The following KIAA0825 variants were observed in gnomAD, a reference collection of about 807,000 sequenced individuals.
The protein encoded by KIAA0825 is KIAA0825, also known as uncharacterized protein KIAA0825.
In KIAA0825, 119 loss-of-function variants were observed where a neutral mutation model predicts 147.6. The observed-to-expected ratio is 0.81, with a 90% CI of 0.69 to 0.94. KIAA0825 has a LOEUF of 0.94. Among genes scored for constraint, KIAA0825 ranks in the 40% least tolerant of loss-of-function variants. The pLI, the probability that KIAA0825 is intolerant of heterozygous loss-of-function variation, is 0.00. For synonymous variants in KIAA0825, 470 were observed against 518.1 expected, an observed-to-expected ratio of 0.91 and a Z score of 1.26; for missense variants, 1,381 against 1,472.7, an observed-to-expected ratio of 0.94 and a Z score of 1.02.
chr5:94,413,949 T>C (rs188752451), intron 15 of KIAA0825: 2 of 152,198 alleles, frequency 1.3e-5, no homozygotes, highest in Non-Finnish European at 2.9e-5. Context: ...GGTATTTATG[T>C]AGGTAATAGA....
chr5:94,220,030 A>G (rs572341523), intron 20 of KIAA0825, among the ~76,000 whole-genome samples: 1 of 152,342 alleles, frequency 6.6e-6, no homozygotes, highest in East Asian at 1.9e-4. Flanking sequence ...GACTCTTGTA[A>G]TAACATTTAG....
intron 20 of KIAA0825, among the ~76,000 whole-genome samples, chr5:94,362,766 T>C (rs991114218): frequency 1.3e-5 from 2 of 152,218 alleles, no homozygotes; most frequent in African/African-American, 4.8e-5. Context: ...GTTTGATGGA[T>C]GGAAGAATGA....
At chr5:94,218,554 G>A (rs932058882) in intron 20 of KIAA0825, among the ~76,000 whole-genome samples, 28 of 152,188 alleles carry the variant, frequency 1.8e-4, no homozygotes, top group African/African-American at 6.8e-4. Flanking sequence ...TTGTCACTTA[G>A]TGGGTATCCA....
intron 20 of KIAA0825, among the ~76,000 whole-genome samples, chr5:94,349,367 TGACAGC>T (rs1159150454): frequency 8.5e-5 from 13 of 152,328 alleles, no homozygotes; most frequent in Admixed American, 4.6e-4. Flanking sequence ...AGTACTGCAC[TGACAGC>T]ACTGGACAGG....
chr5:94,592,155 T>G (rs997475941), intron 1 of KIAA0825, among the ~76,000 whole-genome samples: 1 of 152,146 alleles, frequency 6.6e-6, no homozygotes. Flanking sequence ...ATTTCAGCAT[T>G]AACTCAAAAA....
At chr5:94,529,148 G>A (rs896909672) in intron 3 of KIAA0825, among the ~76,000 whole-genome samples, 6 of 149,854 alleles carry the variant, frequency 4.0e-5, no homozygotes, top group Admixed American at 1.3e-4. Flanking sequence ...GTTTATGTGT[G>A]AGGAGGTAGG....
chr5:94,490,911 G>A (rs1044171102), intron 5 of KIAA0825, among the ~76,000 whole-genome samples: 3 of 152,104 alleles, frequency 2.0e-5, no homozygotes, highest in Admixed American at 6.5e-5. Context: ...CTGCAACAAA[G>A]CAGCATTTGA....
At chr5:94,508,582 C>T (rs909688750) in intron 5 of KIAA0825, among the ~76,000 whole-genome samples, 1 of 152,100 alleles carries the variant, frequency 6.6e-6, no homozygotes, top group African/African-American at 2.4e-5. Flanking sequence ...TTATTGATTC[C>T]AGCATTTACC....
chr5:94,605,619 C>A (rs1357577943), intron 1 of KIAA0825, among the ~76,000 whole-genome samples: 1 of 152,086 alleles, frequency 6.6e-6, no homozygotes, highest in Non-Finnish European at 1.5e-5. Context: ...ACATACTCAA[C>A]TCAATAAATG....
intron 5 of KIAA0825, among the ~76,000 whole-genome samples, chr5:94,510,026 C>T (rs555073971): frequency 5.3e-5 from 8 of 152,250 alleles, no homozygotes; most frequent in Admixed American, 2.0e-4. Context: ...CACTATAAAA[C>T]AATTTAACAA....
At chr5:94,282,132 C>T (rs546102228) in intron 20 of KIAA0825, among the ~76,000 whole-genome samples, 1 of 152,138 alleles carries the variant, frequency 6.6e-6, no homozygotes, top group Non-Finnish European at 1.5e-5. Flanking sequence ...ATGTCTTTTG[C>T]TTATTTTAGA....
intron 12 of KIAA0825, among the ~76,000 whole-genome samples, chr5:94,461,281 T>C (rs763907748): frequency 5.9e-5 from 9 of 151,952 alleles, no homozygotes; most frequent in South Asian, 2.1e-4. Flanking sequence ...ATGAAATTTG[T>C]CAACTTTGTT....
chr5:94,547,802 T>C (rs11960335), intron 2 of KIAA0825, among the ~76,000 whole-genome samples: 2,237 of 148,520 alleles, frequency 0.015, 68 homozygotes, highest in African/African-American at 0.054. Flanking sequence ...GGAGCTCCAG[T>C]ATGTCTGGCA....
chr5:94,248,095 T>C (rs1328910894), intron 20 of KIAA0825, among the ~76,000 whole-genome samples: 1 of 152,028 alleles, frequency 6.6e-6, no homozygotes, highest in Non-Finnish European at 1.5e-5. Context: ...GTGCAAGAAA[T>C]GGAATGTGCA....
At chr5:94,184,855 C>T (rs1769987249) in intron 20 of KIAA0825, among the ~76,000 whole-genome samples, 2 of 152,184 alleles carry the variant, frequency 1.3e-5, no homozygotes, top group African/African-American at 4.8e-5. Flanking sequence ...GAAGAATCCA[C>T]AACTCAGGCT....
intron 14 of KIAA0825, among the ~76,000 whole-genome samples, chr5:94,429,048 G>C (rs1043893870): frequency 1.3e-5 from 2 of 152,078 alleles, no homozygotes; most frequent in African/African-American, 4.8e-5. Flanking sequence ...CAGAGGCTCT[G>C]ATTTATTCAT....
chr5:94,521,144 T>C (rs1768112958), intron 4 of KIAA0825, among the ~76,000 whole-genome samples: 1 of 151,992 alleles, frequency 6.6e-6, no homozygotes, highest in Middle Eastern at 3.4e-3. Flanking sequence ...TGATTATCTT[T>C]TCAATTAGAT....
chr5:94,317,471 A>C (rs1779761237), intron 20 of KIAA0825, among the ~76,000 whole-genome samples: 2 of 151,922 alleles, frequency 1.3e-5, no homozygotes, highest in Non-Finnish European at 2.9e-5. Flanking sequence ...GTGTCCAGCA[A>C]GCCAAAATGA....
intron 20 of KIAA0825, among the ~76,000 whole-genome samples, chr5:94,231,630 G>C (rs1774707159): frequency 6.6e-6 from 1 of 152,010 alleles, no homozygotes; most frequent in Admixed American, 6.6e-5. Flanking sequence ...GAAAATTGTT[G>C]CTGATCTTTG....
Sources: allele counts gnomAD v4.1 joint callset (sites outside exome capture counted in the v4.1 genomes callset), GRCh38; gene constraint gnomAD v4.1.1; transcripts MANE v1.5; gene names NCBI Gene and HGNC (gene_info 2026-07-23, HGNC 2026-07-21).